Variants in GPC5 observed in about 807,000 individuals in gnomAD.
GPC5 encodes the protein glypican 5, also known as glypican-5.
Under a neutral mutation model 53.9 loss-of-function variants are expected in GPC5, and 47 were observed. The ratio of observed to expected loss-of-function variants is 0.87; its 90% CI spans 0.69 to 1.11. The LOEUF (loss-of-function observed/expected upper bound fraction) is 1.11, where lower values mean the gene tolerates loss of function less well. Among genes scored for constraint, GPC5 ranks in the 50% most tolerant of loss-of-function variants. The pLI is 0.00. For synonymous variants in GPC5, 286 were observed against 263.3 expected (o/e 1.09, Z -0.84); for missense variants, 748 against 713.1 (o/e 1.05, Z -0.56).
intron 2 of GPC5, 23 bp downstream of exon 2, chr13:91,448,945 A>C (rs993293355): frequency 1.9e-6 from 3 of 1,608,010 alleles, no homozygotes; most frequent in Admixed American, 3.4e-5. Context: ...TGAATTCTGC[A>C]ACTAAGGACT....
chr13:92,213,513 C>A (rs1358274313), intron 7 of GPC5, among the ~76,000 whole-genome samples: 1 of 152,080 alleles, frequency 6.6e-6, no homozygotes. Flanking sequence ...GTCAGTAATT[C>A]CTTCTGAGGA....
At chr13:91,535,339 T>C (rs1209803415) in intron 2 of GPC5, among the ~76,000 whole-genome samples, 2 of 152,184 alleles carry the variant, frequency 1.3e-5, no homozygotes, top group Non-Finnish European at 2.9e-5. Flanking sequence ...GTTGTCTTTG[T>C]CTGTTTGGCT....
At chr13:92,558,853 AC>A (rs1882594817) in intron 7 of GPC5, among the ~76,000 whole-genome samples, 1 of 151,702 alleles carries the variant, frequency 6.6e-6, no homozygotes, top group African/African-American at 2.4e-5. Flanking sequence ...GACATACTAA[AC>A]CCCCCGAAGT....
intron 7 of GPC5, among the ~76,000 whole-genome samples, chr13:92,476,300 T>C (rs1199222161): frequency 2.2e-4 from 34 of 152,094 alleles, no homozygotes; most frequent in African/African-American, 7.7e-4. Flanking sequence ...AAAATGCTCA[T>C]CATCACTGGC....
chr13:91,571,896 T>C (rs1475510004), intron 2 of GPC5, among the ~76,000 whole-genome samples: 1,748 of 75,902 alleles, frequency 0.023, 342 homozygotes, highest in African/African-American at 0.047. Flanking sequence ...CGTGTGTATA[T>C]ACACATATTG....
intron 7 of GPC5, among the ~76,000 whole-genome samples, chr13:92,619,975 A>G (rs932880494): frequency 2.0e-5 from 3 of 152,234 alleles, no homozygotes; most frequent in Admixed American, 6.5e-5. Flanking sequence ...AAATAAGTCA[A>G]GATGTCACAA....
intron 7 of GPC5, among the ~76,000 whole-genome samples, chr13:92,390,619 G>C (rs963300432): frequency 1.3e-5 from 2 of 152,044 alleles, no homozygotes; most frequent in African/African-American, 2.4e-5. Context: ...GATCCTAGTC[G>C]TGATGTTTAC....
intron 6 of GPC5, among the ~76,000 whole-genome samples, chr13:92,030,972 T>G (rs936938128): frequency 6.6e-6 from 1 of 152,220 alleles, no homozygotes; most frequent in African/African-American, 2.4e-5. Flanking sequence ...GACCCTGTTT[T>G]TAGCTGAGCT....
chr13:92,381,911 T>TATATATATATCATATATCATATATATG (rs1566565366), intron 7 of GPC5, among the ~76,000 whole-genome samples: 5 of 135,826 alleles, frequency 3.7e-5, no homozygotes, highest in Admixed American at 7.6e-5. Flanking sequence ...ATATATATGA[T>TATATATATATCATATATCATATATATG]ATATATAATC....
chr13:91,686,912 T>C (rs2035634912), intron 2 of GPC5, among the ~76,000 whole-genome samples: 1 of 151,950 alleles, frequency 6.6e-6, no homozygotes, highest in Non-Finnish European at 1.5e-5. Flanking sequence ...GCTCTGAAAA[T>C]TTCTCTTCAA....
At chr13:92,656,597 C>T (rs1489744397) in intron 7 of GPC5, among the ~76,000 whole-genome samples, 3 of 152,298 alleles carry the variant, frequency 2.0e-5, no homozygotes, top group East Asian at 1.9e-4. Flanking sequence ...CACTCACAAA[C>T]ATGCTTTTCT....
intron 7 of GPC5, among the ~76,000 whole-genome samples, chr13:92,698,600 A>G (rs527705040): frequency 1.3e-5 from 2 of 152,248 alleles, no homozygotes; most frequent in East Asian, 3.9e-4. Context: ...AGTCTTTGCT[A>G]TTGTGAACAG....
At chr13:91,733,982 A>G (rs987013225) in intron 4 of GPC5, among the ~76,000 whole-genome samples, 1 of 152,048 alleles carries the variant, frequency 6.6e-6, no homozygotes, top group Non-Finnish European at 1.5e-5. Flanking sequence ...AATAGCTCTT[A>G]TTATTTTGAG....
chr13:92,092,617 C>T (rs1379009754), intron 6 of GPC5, among the ~76,000 whole-genome samples: 1 of 152,032 alleles, frequency 6.6e-6, no homozygotes, highest in African/African-American at 2.4e-5. Context: ...GCTATGGAAA[C>T]TTAAGTTTTT....
In GPC5 at chr13:91,728,422, A is replaced by G. The variant is rs552378158; in HGVS notation, c.1021-110A>G. ...TATACATATTATATTTAAGATTAATATTGAGGTGAAAGCAAAAACGTGTCA... is the reference window on the plus strand; with the variant it reads ...TATACATATTATATTTAAGATTAATGTTGAGGTGAAAGCAAAAACGTGTCA... On this transcript the variant is annotated intron_variant, in intron 3 of 7. Transcript: ENST00000377067. 3.1e-5 allele frequency: 28 copies of G among 902,076 alleles called. No individual in the cohort carries two copies. In the South Asian group the frequency reaches 5.9e-4, roughly 19 times the overall value. 55.9% of individuals were successfully genotyped at this position (902,076 alleles called of 1,614,324 possible).
intron 6 of GPC5, among the ~76,000 whole-genome samples, chr13:92,032,333 G>C (rs1428438318): frequency 6.6e-6 from 1 of 151,296 alleles, no homozygotes; most frequent in East Asian, 1.9e-4. Context: ...ATTGAGTTCA[G>C]TGTGTACTGC....
intron 7 of GPC5, among the ~76,000 whole-genome samples, chr13:92,607,865 G>A (rs754311115): frequency 5.3e-5 from 8 of 151,992 alleles, no homozygotes; most frequent in Admixed American, 2.0e-4. Flanking sequence ...CGCTTTACAC[G>A]CAGATTCTCT....
intron 7 of GPC5, among the ~76,000 whole-genome samples, chr13:92,556,777 A>G (rs1199231413): frequency 6.6e-6 from 1 of 151,844 alleles, no homozygotes; most frequent in African/African-American, 2.4e-5. Flanking sequence ...AGATCATCAT[A>G]TGTTCTTAAA....
At chr13:91,630,843 GT>G (rs755625301) in intron 2 of GPC5, among the ~76,000 whole-genome samples, 1 of 151,902 alleles carries the variant, frequency 6.6e-6, no homozygotes, top group Non-Finnish European at 1.5e-5. Flanking sequence ...TTGTTTTTTT[GT>G]TTTTTGTTTT....
Sources: gnomAD v4.1 joint callset for allele counts (sites outside exome capture counted in the v4.1 genomes callset) on GRCh38, gnomAD v4.1.1 for gene constraint, MANE v1.5 for transcripts, NCBI Gene and HGNC (gene_info 2026-07-23, HGNC 2026-07-21) for gene names.